Variants in PDE4D observed in about 807,000 individuals in gnomAD.
PDE4D encodes the protein 3',5'-cyclic-AMP phosphodiesterase 4D.
Under a neutral mutation model 87.4 loss-of-function variants are expected in PDE4D, and 24 were observed. The observed-to-expected ratio is 0.27, with a 90% CI of 0.20 to 0.39. PDE4D has a LOEUF of 0.39. Ranked by LOEUF, PDE4D falls within the 10% of genes least tolerant of loss-of-function variation. The pLI is 1.00. For missense variants in PDE4D, 714 were observed against 1,041.0 expected (o/e 0.69, Z 4.32); for synonymous variants, 384 against 383.2 (o/e 1.00, Z -0.02).
chr5:59,018,995 G>C lies in PDE4D; in HGVS notation c.921+19864C>G, dbSNP rs568350797. Among the ~76,000 whole-genome samples the C allele has an allele frequency of 1.3e-4, 20 of 149,866 alleles. No individual in the cohort carries two copies. In the East Asian group the frequency reaches 3.8e-3, roughly 28 times the overall value. On this transcript the variant is annotated intron_variant, in intron 6 of 14. Transcript: ENST00000340635. ...CAGTCCTGACAACTGAAAGCTTATA[G>C]GGCATTTCCGCTTAGATACATAGCC... is the stretch of plus-strand genomic sequence containing the variant.
rs151253414 is a variant in PDE4D, at chr5:59,111,128, G to A, written c.808+69467C>T. ...CAAATGACCTCTATCCATATGCTGTGATAATCTATACACTTTTCTTGGTGT... is the reference window on the plus strand; with the variant it reads ...CAAATGACCTCTATCCATATGCTGTAATAATCTATACACTTTTCTTGGTGT... On this transcript the variant is annotated intron_variant, in intron 5 of 14. Coordinates refer to ENST00000340635, the MANE Select transcript of PDE4D (RefSeq NM_001104631.2). Among the ~76,000 whole-genome samples the A allele has an allele frequency of 2.3e-3, 343 of 152,294 alleles. 1 individual carries two copies. The highest frequency in any genetic ancestry group is 7.8e-3 in the African/African-American group (325 of 41,562).
chr5:59,474,903 G>T (rs1356001531), intron 1 of PDE4D, among the ~76,000 whole-genome samples: 1 of 151,978 alleles, frequency 6.6e-6, no homozygotes, highest in African/African-American at 2.4e-5. Flanking sequence ...TACAACTGTA[G>T]GAACAGTGTT....
chr5:59,614,977 G>A (rs919474921), intron 1 of PDE4D, among the ~76,000 whole-genome samples: 6 of 151,750 alleles, frequency 4.0e-5, no homozygotes, highest in African/African-American at 9.7e-5. Context: ...CTACAGGCAC[G>A]CACTACCACA....
intron 1 of PDE4D, among the ~76,000 whole-genome samples, chr5:60,449,989 A>G (rs1180545743): frequency 1.3e-5 from 2 of 151,298 alleles, no homozygotes; most frequent in African/African-American, 2.4e-5. Flanking sequence ...GAATGTATAC[A>G]TGTGTTAAAA....
intron 6 of PDE4D, among the ~76,000 whole-genome samples, chr5:58,993,821 G>A (rs1401721933): frequency 6.6e-6 from 1 of 152,114 alleles, no homozygotes; most frequent in East Asian, 1.9e-4. Flanking sequence ...AAGGGCTGAA[G>A]GGAAAATCAG....
chr5:59,113,273 T>C (rs983994167), intron 5 of PDE4D, among the ~76,000 whole-genome samples: 3 of 152,232 alleles, frequency 2.0e-5, no homozygotes, highest in Non-Finnish European at 4.4e-5. Context: ...CTATATTCTA[T>C]TATTCCTTTC....
chr5:60,413,749 T>G (rs1186040997), intron 1 of PDE4D, among the ~76,000 whole-genome samples: 1 of 149,556 alleles, frequency 6.7e-6, no homozygotes, highest in Admixed American at 6.7e-5. Flanking sequence ...GCTTAGAAAC[T>G]TCAATCTGGT....
At chr5:60,118,582 T>TGTGTGC (rs1376964313) in intron 2 of PDE4D, among the ~76,000 whole-genome samples, 1 of 151,702 alleles carries the variant, frequency 6.6e-6, no homozygotes, top group African/African-American at 2.4e-5. Flanking sequence ...TGTGTGTGTG[T>TGTGTGC]GTGTGTGTGT....
At chr5:59,251,879 G>A (rs1465033495) in intron 1 of PDE4D, among the ~76,000 whole-genome samples, 1 of 152,070 alleles carries the variant, frequency 6.6e-6, no homozygotes, top group African/African-American at 2.4e-5. Flanking sequence ...TTTTAACATG[G>A]ATAGACCTGG....
intron 2 of PDE4D, among the ~76,000 whole-genome samples, chr5:60,169,195 G>A (rs2149478425): frequency 6.6e-6 from 1 of 151,996 alleles, no homozygotes; most frequent in South Asian, 2.1e-4. Context: ...TCAAGGTTAG[G>A]GGAAAAGAGA....
chr5:59,425,482 C>G (rs1795058358), intron 1 of PDE4D, among the ~76,000 whole-genome samples: 1 of 152,072 alleles, frequency 6.6e-6, no homozygotes, highest in South Asian at 2.1e-4. Context: ...AAAAAAGTCC[C>G]TAGACATTGC....
intron 1 of PDE4D, among the ~76,000 whole-genome samples, chr5:60,445,112 T>G (rs559521672): frequency 6.6e-6 from 1 of 152,160 alleles, no homozygotes; most frequent in South Asian, 2.1e-4. Context: ...GCCAACTTTG[T>G]TGTGAATGGA....
intron 1 of PDE4D, among the ~76,000 whole-genome samples, chr5:59,410,683 T>A (rs1476037386): frequency 1.3e-5 from 2 of 150,436 alleles, no homozygotes; most frequent in African/African-American, 4.9e-5. Context: ...CATTCTTTTT[T>A]TATGGCTGAA....
At chr5:59,559,587 T>C (rs1819594848) in intron 1 of PDE4D, among the ~76,000 whole-genome samples, 1 of 152,190 alleles carries the variant, frequency 6.6e-6, no homozygotes, top group Admixed American at 6.5e-5. Flanking sequence ...ACATGAAACT[T>C]CCTGATGTGA....
chr5:60,142,214 G>A (rs983320537), intron 2 of PDE4D, among the ~76,000 whole-genome samples: 1 of 148,398 alleles, frequency 6.7e-6, no homozygotes, highest in African/African-American at 2.5e-5. Flanking sequence ...GGACGGATGG[G>A]AGGGAGAGAG....
chr5:59,271,100 C>T (rs952105188), intron 1 of PDE4D, among the ~76,000 whole-genome samples: 29 of 151,288 alleles, frequency 1.9e-4, no homozygotes, highest in African/African-American at 6.8e-4. Context: ...AGTGCAGTGG[C>T]ACGATCTTGG....
At chr5:59,488,102 C>G (rs747511577) in intron 1 of PDE4D, among the ~76,000 whole-genome samples, 1 of 150,240 alleles carries the variant, frequency 6.7e-6, no homozygotes, top group Non-Finnish European at 1.5e-5. Flanking sequence ...TCAGTTTTCA[C>G]CCCGGTCACT....
At chr5:59,395,770 G>A (rs13159605) in intron 1 of PDE4D, among the ~76,000 whole-genome samples, 3 of 103,672 alleles carry the variant, frequency 2.9e-5, no homozygotes, top group Non-Finnish European at 4.1e-5. Flanking sequence ...GGCTTCAGAC[G>A]ATCAAATTAC....
chr5:59,050,664 A>G (rs965206377), intron 5 of PDE4D, among the ~76,000 whole-genome samples: 1 of 152,264 alleles, frequency 6.6e-6, no homozygotes, highest in Non-Finnish European at 1.5e-5. Context: ...AGAGCTCTTC[A>G]TGGGAAATAG....
Sources: allele counts gnomAD v4.1 joint callset (sites outside exome capture counted in the v4.1 genomes callset), GRCh38; gene constraint gnomAD v4.1.1; transcripts MANE v1.5; gene names NCBI Gene and HGNC (gene_info 2026-07-23, HGNC 2026-07-21).